Variants in MYO18B observed in about 807,000 individuals in gnomAD.
MYO18B encodes the protein unconventional myosin-XVIIIb.
In MYO18B, 204 loss-of-function variants were observed where a neutral mutation model predicts 273.0. That is an observed-to-expected ratio of 0.75 (90% CI 0.67 to 0.84). The LOEUF is 0.84. Ranked by LOEUF, MYO18B falls within the 40% of genes least tolerant of loss-of-function variation. The pLI is 0.00. For missense variants in MYO18B, 3,212 were observed against 3,287.6 expected (o/e 0.98, Z 0.56); for synonymous variants, 1,330 against 1,305.7 (o/e 1.02, Z -0.40).
intron 1 of MYO18B, among the ~76,000 whole-genome samples, chr22:25,743,869 G>A (rs2085699284): frequency 6.6e-6 from 1 of 152,230 alleles, no homozygotes; most frequent in Non-Finnish European, 1.5e-5. Flanking sequence ...TTTTCTTGAA[G>A]TGACGGTCGT....
chr22:25,796,881 G>A (rs1316856984), intron 11 of MYO18B, among the ~76,000 whole-genome samples: 1 of 152,216 alleles, frequency 6.6e-6, no homozygotes, highest in Non-Finnish European at 1.5e-5. Context: ...GGTGGCCCAT[G>A]CTGGCTTCTC....
chr22:25,919,755 T>C (rs2092315354), intron 33 of MYO18B, among the ~76,000 whole-genome samples: 1 of 152,014 alleles, frequency 6.6e-6, no homozygotes, highest in Non-Finnish European at 1.5e-5. Flanking sequence ...ACATTTCAGA[T>C]ATAAAGACCG....
chr22:25,797,377 A>G (rs1428838211), intron 11 of MYO18B, among the ~76,000 whole-genome samples: 2 of 152,142 alleles, frequency 1.3e-5, no homozygotes, highest in Non-Finnish European at 2.9e-5. Flanking sequence ...CTGCTATCAC[A>G]ATTTGATCTG....
At chr22:25,990,454 G>T (rs1246157073) in intron 39 of MYO18B, among the ~76,000 whole-genome samples, 1 of 152,102 alleles carries the variant, frequency 6.6e-6, no homozygotes, top group Non-Finnish European at 1.5e-5. Context: ...GGGAGGCCAA[G>T]GTGGGTGAAT....
intron 12 of MYO18B, among the ~76,000 whole-genome samples, chr22:25,819,473 G>A (rs2089183057): frequency 6.6e-6 from 1 of 152,206 alleles, no homozygotes; most frequent in Non-Finnish European, 1.5e-5. Flanking sequence ...ACAGGAAGAA[G>A]AAAGTCTCAT....
chr22:25,952,522 C>T, intron 38 of MYO18B, 99 bp downstream of exon 38: 1 of 1,442,330 alleles, frequency 6.9e-7, no homozygotes, highest in Non-Finnish European at 9.4e-7. Context: ...TACTCACATG[C>T]CTTCATCTAG....
chr22:25,878,055 C>T lies in MYO18B; in HGVS notation c.4314+7C>T. The stretch of plus-strand genomic sequence containing the variant: ...AGATCTGCTAGAAAGCAAGGTATCC[C>T]CATCCCTCCTCTTGGGTCCTTGTGG... On this transcript the variant is annotated splice_region_variant and intron_variant, in intron 25 of 43. Transcript: ENST00000335473. The T allele has an allele frequency of 6.4e-7, 1 of 1,572,052 alleles. No homozygotes were observed. Among genetic ancestry groups the T allele is most frequent in the Non-Finnish European group, 8.6e-7 (1 of 1,157,928 alleles).
At chr22:25,847,320 G>A (rs2090280856) in intron 19 of MYO18B, 110 bp from the exon 20 acceptor site, 1 of 922,982 alleles carries the variant, frequency 1.1e-6, no homozygotes, top group Non-Finnish European at 1.7e-6. Context: ...GTGGGACATA[G>A]GGGCCCCAAA....
chr22:25,976,461 G>A (rs2093090539), intron 39 of MYO18B, among the ~76,000 whole-genome samples: 1 of 152,174 alleles, frequency 6.6e-6, no homozygotes, highest in South Asian at 2.1e-4. Context: ...TGAGATGAGG[G>A]CTTGCTGTTT....
chr22:25,959,116 A>C (rs908288966), intron 39 of MYO18B: 11 of 152,064 alleles, frequency 7.2e-5, no homozygotes, highest in Non-Finnish European at 1.6e-4. Flanking sequence ...CCGTAATGAG[A>C]GCTCAGAGCC....
intron 11 of MYO18B, among the ~76,000 whole-genome samples, chr22:25,794,587 C>G (rs984956176): frequency 6.6e-6 from 1 of 152,114 alleles, no homozygotes; most frequent in African/African-American, 2.4e-5. Context: ...TCACTGCAAG[C>G]TCTGCCTCCC....
chr22:26,012,947 T>C lies in MYO18B; in HGVS notation c.6470+8092T>C, dbSNP rs184075774. 2.6e-5 allele frequency among the ~76,000 whole-genome samples: 4 copies of C among 152,298 alleles called. No individual in the cohort carries two copies. The East Asian group carries it at 7.7e-4, about 29-fold the overall frequency. On this transcript the variant is annotated intron_variant, in intron 42 of 43. Transcript: ENST00000335473. ...CAAGACTGGACCATTACAGTGCCCC[T>C]ACAACTTCCTTGTGCCCATTCAAGC...
intron 21 of MYO18B, among the ~76,000 whole-genome samples, chr22:25,855,741 G>A (rs1312714158): frequency 6.6e-6 from 1 of 152,092 alleles, no homozygotes; most frequent in Non-Finnish European, 1.5e-5. Flanking sequence ...ATAATAGAAG[G>A]ATTTCTATTC....
At chr22:25,992,277 C>G in intron 39 of MYO18B, 86 bp from the exon 40 acceptor site, 1 of 1,540,258 alleles carries the variant, frequency 6.5e-7, no homozygotes, top group East Asian at 2.3e-5. Flanking sequence ...CTAGGCTCAG[C>G]CTGGGGCGTG....
intron 12 of MYO18B, among the ~76,000 whole-genome samples, chr22:25,800,510 C>T (rs1306191437): frequency 6.6e-6 from 1 of 152,178 alleles, no homozygotes; most frequent in East Asian, 1.9e-4. Flanking sequence ...CCCCAGAAGG[C>T]TGTGGCAGGG....
At chr22:25,920,459 A>G (rs1021961955) in intron 33 of MYO18B, among the ~76,000 whole-genome samples, 5 of 152,188 alleles carry the variant, frequency 3.3e-5, no homozygotes, top group South Asian at 4.1e-4. Flanking sequence ...AAGGCTGTCA[A>G]GGAGTCTAAG....
At chr22:25,767,117 T>C (rs1319898041) in intron 3 of MYO18B, among the ~76,000 whole-genome samples, 1 of 152,166 alleles carries the variant, frequency 6.6e-6, no homozygotes, top group Non-Finnish European at 1.5e-5. Flanking sequence ...AAGCGAGACA[T>C]CAGGGTAGAA....
intron 29 of MYO18B, 165 bp downstream of exon 29, chr22:25,898,626 A>C: frequency 2.9e-6 from 2 of 686,670 alleles, no homozygotes; most frequent in Non-Finnish European, 4.7e-6. Flanking sequence ...TGGTTCTCCC[A>C]AGAATCCAGC....
intron 12 of MYO18B, among the ~76,000 whole-genome samples, chr22:25,804,667 C>T (rs1464056924): frequency 6.6e-6 from 1 of 152,226 alleles, no homozygotes; most frequent in Non-Finnish European, 1.5e-5. Context: ...TTGGCACAAG[C>T]CAGGTGGGCT....
Sources: gnomAD v4.1 joint callset for allele counts (sites outside exome capture counted in the v4.1 genomes callset) on GRCh38, gnomAD v4.1.1 for gene constraint, MANE v1.5 for transcripts, NCBI Gene and HGNC (gene_info 2026-07-23, HGNC 2026-07-21) for gene names.